The following LONRF1 variants were observed in gnomAD, a reference collection of about 807,000 sequenced individuals.
LONRF1 encodes the protein LON peptidase N-terminal domain and RING finger protein 1.
LONRF1 carries 37 observed loss-of-function variants against 85.8 expected under a neutral mutation model. That is an observed-to-expected ratio of 0.43 (90% CI 0.33 to 0.57). LONRF1 has a LOEUF of 0.57. Among genes scored for constraint, LONRF1 ranks in the 20% least tolerant of loss-of-function variants. LONRF1 has a pLI of 0.04. For synonymous variants in LONRF1, 517 were observed against 390.1 expected, an observed-to-expected ratio of 1.33 and a Z score of -3.83; for missense variants, 1,036 against 978.0, an observed-to-expected ratio of 1.06 and a Z score of -0.79.
chr8:12,748,849 G>A (rs1231915568), intron 1 of LONRF1, among the ~76,000 whole-genome samples: 1 of 143,768 alleles, frequency 7.0e-6, no homozygotes, highest in East Asian at 2.0e-4. Context: ...GTTCAGTATA[G>A]TATGACTTGG....
chr8:12,746,440 T>C (rs1258392013), intron 1 of LONRF1, among the ~76,000 whole-genome samples: 1 of 152,124 alleles, frequency 6.6e-6, no homozygotes, highest in Non-Finnish European at 1.5e-5. Context: ...CCATTCTTTA[T>C]CTTGATAAGT....
At chr8:12,738,269 G>T in intron 3 of LONRF1, 125 bp from the exon 4 acceptor site, 1 of 634,642 alleles carries the variant, frequency 1.6e-6, no homozygotes, top group Non-Finnish European at 2.5e-6. Flanking sequence ...ATGAGCAGGA[G>T]GGGAACAAGG....
At chr8:12,745,352 C>G (rs1799107677) in intron 1 of LONRF1, among the ~76,000 whole-genome samples, 1 of 144,696 alleles carries the variant, frequency 6.9e-6, no homozygotes, top group South Asian at 2.1e-4. Context: ...AAAACCAACC[C>G]CATCAGGTGA....
chr8:12,745,438 TA>T (rs1464884385), intron 1 of LONRF1, among the ~76,000 whole-genome samples: 2 of 151,506 alleles, frequency 1.3e-5, no homozygotes, highest in Non-Finnish European at 2.9e-5. Context: ...CCAAGTGCGC[TA>T]AATGAGCCCC....
chr8:12,749,581 A>G (rs544127266), intron 1 of LONRF1, among the ~76,000 whole-genome samples: 39 of 152,362 alleles, frequency 2.6e-4, no homozygotes, highest in African/African-American at 9.4e-4. Context: ...ATAAATAACT[A>G]GAAATCTAAG....
chr8:12,729,130 A>G (rs1203912647), intron 9 of LONRF1, 44 bp downstream of exon 9: 1 of 1,612,064 alleles, frequency 6.2e-7, no homozygotes, highest in Admixed American at 1.7e-5. Flanking sequence ...CCATATTGAG[A>G]GGTCTAACAT....
In LONRF1 at chr8:12,755,172, G is replaced by T; in HGVS notation, c.249C>A (p.Pro83=). Residue 83 remains proline (P), a synonymous_variant, in exon 1 of 12, where the codon CCC becomes CCA. Transcript: ENST00000398246. The part of the protein sequence containing the change: ...AALRRGAPAR[P]ECLGALVDCL... ...AGTCCACCAGGGCGCCCAGGCACTC[G>T]GGCCTGGCCGGGGCCCCGCGGCGCA... 1.5e-6 allele frequency: 2 copies of T among 1,362,454 alleles called. No individual in the cohort carries two copies. Among genetic ancestry groups the T allele is most frequent in the Non-Finnish European group, 1.9e-6 (2 of 1,063,674 alleles). 84.4% of individuals were successfully genotyped at this position (1,362,454 alleles called of 1,614,324 possible).
intron 10 of LONRF1, 200 bp from the exon 11 acceptor site, chr8:12,726,079 A>G (rs886549302): frequency 4.2e-6 from 2 of 481,800 alleles, no homozygotes; most frequent in Non-Finnish European, 7.4e-6. Context: ...GAAAGACAAC[A>G]AGGCCTGACC....
rs1798789759 is a variant in LONRF1, at chr8:12,738,059, C to T, written c.1049G>A (p.Arg350Lys). ...CATCACTGAATGAAAATCAAAAGGT[C>T]TGTTTTTAGTACATGGTAATGAACT... ...SWSSLPCTKNRPFDFHSVMEE... is the reference protein window; with the variant it reads ...SWSSLPCTKNKPFDFHSVMEE... The change falls in exon 4 of 12, where the codon AGA becomes AAA. Residue 350 changes from arginine to lysine, a missense_variant. Physicochemically the swap from Arg to Lys is conservative, Grantham distance 26. Coordinates refer to ENST00000398246, the MANE Select transcript of LONRF1 (RefSeq NM_152271.5). The T allele has an allele frequency of 6.2e-7, 1 of 1,610,448 alleles. No homozygotes were observed. Among genetic ancestry groups the T allele is most frequent in the East Asian group, 2.2e-5 (1 of 44,718 alleles).
At chr8:12,743,479 C>T (rs1799021092) in intron 1 of LONRF1, among the ~76,000 whole-genome samples, 197 bp from the exon 2 acceptor site, 1 of 152,118 alleles carries the variant, frequency 6.6e-6, no homozygotes, top group Non-Finnish European at 1.5e-5. Flanking sequence ...TGTATCAAAT[C>T]ATTGTAAGTA....
Position 12,735,288 on chromosome 8 carries a change from C to A in LONRF1, c.1564G>T (p.Glu522Ter). 1 of 1,591,194 alleles carries A rather than the reference C, an allele frequency of 6.3e-7. No homozygotes were observed. Among genetic ancestry groups the A allele is most frequent in the Non-Finnish European group, 8.6e-7 (1 of 1,164,498 alleles). ...CAGACACATATACAAATATTTACCT[C>A]TTTTAAGCTTTCTTTGCAAAGAGGA... ...YCPLCKESLK[E>*]YLADRRYCVT... Residue 522 changes from glutamate to a stop codon, truncating the protein, a stop_gained and splice_region_variant, in exon 7 of 12, where the codon GAG (glutamate) becomes TAG (stop). Coordinates refer to ENST00000398246, the MANE Select transcript of LONRF1 (RefSeq NM_152271.5). LOFTEE classifies it high-confidence loss of function.
rs182616007 is a variant in LONRF1, at chr8:12,739,417, A to G, written c.964-1273T>C. 2.8e-3 allele frequency among the ~76,000 whole-genome samples: 430 copies of G among 152,086 alleles called. 3 individuals carry two copies. Among genetic ancestry groups the G allele is most frequent in the African/African-American group, 0.01 (416 of 41,492 alleles). On this transcript the variant is annotated intron_variant, in intron 3 of 11. Transcript: ENST00000398246. ...GATTCCATTCCAATGAAGTTCTAGA[A>G]TAAGTAACACTACTCTACAGTGACA...
intron 1 of LONRF1, among the ~76,000 whole-genome samples, chr8:12,748,176 GT>G (rs2117334105): frequency 6.6e-6 from 1 of 152,084 alleles, no homozygotes; most frequent in East Asian, 1.9e-4. Context: ...TTGCTATACA[GT>G]ATGTAGAAAG....
At position 12,754,854 on chromosome 8, in the gene LONRF1, T is replaced by C. The variant is rs1283578620; in HGVS notation, c.567A>G (p.Ser189=). 3 of 1,492,902 alleles carry C rather than the reference T, an allele frequency of 2.0e-6. No homozygotes were observed. The highest frequency in any genetic ancestry group is 2.7e-6 in the Non-Finnish European group (3 of 1,125,992). The allele number at this position is 1,492,902 out of a possible 1,614,324, so 92.5% of individuals were successfully genotyped here. Residue 189 remains serine, a synonymous_variant, in exon 1 of 12, where the codon TCA becomes TCG. Transcript: ENST00000398246. ...TGAGGACGACGCTGGTTCTGAAGTC[T>C]GAAGCGGCGATGGCGGCGGCCAGAG... ...PPPLAAAIAA[S]DFRTSVVLNH...
chr8:12,745,703 T>C (rs1799126228), intron 1 of LONRF1, among the ~76,000 whole-genome samples: 1 of 152,212 alleles, frequency 6.6e-6, no homozygotes, highest in Non-Finnish European at 1.5e-5. Flanking sequence ...TATTATGTAT[T>C]TTCCATTTTT....
In LONRF1 at chr8:12,750,289, A is replaced by T. The variant is rs375067030; in HGVS notation, c.721+4411T>A. 2.7e-3 allele frequency among the ~76,000 whole-genome samples: 417 copies of T among 152,354 alleles called. 2 individuals are homozygous for T. Among genetic ancestry groups the T allele is most frequent in the African/African-American group, 9.6e-3 (399 of 41,582 alleles). On this transcript the variant is annotated intron_variant, in intron 1 of 11. Transcript: ENST00000398246. ...TTTACTGTTTCAAGTCCTCTGCACA[A>T]TAAGTAAGGACATAAATAAGTTAGC...
In LONRF1 at chr8:12,725,824, G is replaced by T. The variant is rs1175979882; in HGVS notation, c.2066C>A (p.Ser689Tyr). The change falls in exon 11 of 12, where the codon TCT (serine) becomes TAT (tyrosine). Residue 689 changes from serine to tyrosine, a missense_variant. By Grantham distance (144) the Ser-to-Tyr change is moderately radical. Around this residue, in one of 3 missense-constraint regions of LONRF1, gnomAD observed 265 missense variants for 301.5 expected, o/e 0.88. Transcript: ENST00000398246. ...NLRELHDLVY[S>Y]QACSWFQNLR... Reference sequence around the variant, plus strand: ...ATTCTGAAACCAGCTGCAGGCTTGAGAGTAAACCAAATCATGAAGCTCTCT... The same window carrying T: ...ATTCTGAAACCAGCTGCAGGCTTGATAGTAAACCAAATCATGAAGCTCTCT... The T allele has an allele frequency of 1.2e-6, 2 of 1,613,428 alleles. No individual in the cohort carries two copies. Among genetic ancestry groups the T allele is most frequent in the African/African-American group, 2.7e-5 (2 of 74,920 alleles).
At chr8:12,751,304 T>TTTGTTTGTTTTTTTG (rs59347201) in intron 1 of LONRF1, among the ~76,000 whole-genome samples, 4 of 122,100 alleles carry the variant, frequency 3.3e-5, no homozygotes, top group African/African-American at 1.2e-4. Flanking sequence ...ATGTTTTTTT[T>TTTGTTTGTTTTTTTG]TTTTTTTTTT....
intron 4 of LONRF1, 117 bp downstream of exon 4, chr8:12,737,878 C>A (rs1798782052): frequency 2.0e-6 from 2 of 1,023,056 alleles, no homozygotes; most frequent in Admixed American, 2.9e-5. Context: ...ACTATGATAA[C>A]TAACCAGGTT....
Sources: allele counts gnomAD v4.1 joint callset (sites outside exome capture counted in the v4.1 genomes callset), GRCh38; gene constraint gnomAD v4.1.1; regional missense constraint gnomAD v4.1.1; transcripts MANE v1.5; gene names NCBI Gene and HGNC (gene_info 2026-07-23, HGNC 2026-07-21).